Variants in PPP1R21 observed in about 807,000 individuals in gnomAD.
PPP1R21 encodes the protein KLRAQ motif containing 1.
Under a neutral mutation model 112.8 loss-of-function variants are expected in PPP1R21, and 85 were observed. The observed-to-expected ratio is 0.75, with a 90% CI of 0.63 to 0.90. The LOEUF (loss-of-function observed/expected upper bound fraction) is 0.90. Among genes scored for constraint, PPP1R21 ranks in the 40% least tolerant of loss-of-function variants. The pLI is 0.00. For synonymous variants in PPP1R21, 381 were observed against 322.3 expected (o/e 1.18, Z -1.95); for missense variants, 1,199 against 901.5 (o/e 1.33, Z -4.23).
rs757951323 is a variant in PPP1R21, at chr2:48,468,825, A to ATGTGTG, written c.898-2259_898-2258insGTGTGT. ...GTGAGACCCTGTCTCAAGAAAAAAA[A>ATGTGTG]TGTATGTGTGTGTGTGTGTGTGTGT... On this transcript the variant is annotated intron_variant, in intron 9 of 21. Transcript: ENST00000294952. Among the ~76,000 whole-genome samples the ATGTGTG allele has an allele frequency of 1.8e-3, 77 of 43,948 alleles. 1 individual carries two copies. The South Asian group carries it at 0.02, about 11-fold the overall frequency. The allele number at this position is 43,948 out of a possible 152,430, so 28.8% of individuals were successfully genotyped here. A position where few individuals can be genotyped will look rare whatever the true frequency, so the allele number is the denominator to read the frequency against.
intron 15 of PPP1R21, among the ~76,000 whole-genome samples, chr2:48,491,925 G>A (rs1314710142): frequency 6.6e-6 from 1 of 152,106 alleles, no homozygotes; most frequent in Non-Finnish European, 1.5e-5. Flanking sequence ...TGGGGAGCAG[G>A]ACTACTTATA....
rs566732581 is a variant in PPP1R21 at position 48,494,048 on chromosome 2, C to G, written c.1600-1631C>G. Among the ~76,000 whole-genome samples, 15 of 123,392 alleles carry G rather than the reference C, an allele frequency of 1.2e-4. No individual in the cohort carries two copies. In the South Asian group the frequency reaches 4.3e-3, roughly 35 times the overall value. 80.9% of individuals were successfully genotyped at this position (123,392 alleles called of 152,430 possible). A position where few individuals can be genotyped will look rare whatever the true frequency, so the allele number is the denominator to read the frequency against. ...ATCAGCCTGGGCAACATAGGGAGAC[C>G]TCGTCTCTCCAAAAAAAAAAAAAAA... On this transcript the variant is annotated intron_variant, in intron 15 of 21. Coordinates refer to ENST00000294952, the MANE Select transcript of PPP1R21 (RefSeq NM_001135629.3).
chr2:48,443,164 C>T (rs1400356420), intron 1 of PPP1R21, among the ~76,000 whole-genome samples: 1 of 152,132 alleles, frequency 6.6e-6, no homozygotes, highest in African/African-American at 2.4e-5. Context: ...ACATACAAGG[C>T]ACTCATCCTT....
At chr2:48,486,190 C>G (rs776120038) in intron 13 of PPP1R21, among the ~76,000 whole-genome samples, 1 of 151,936 alleles carries the variant, frequency 6.6e-6, no homozygotes, top group Non-Finnish European at 1.5e-5. Flanking sequence ...CTAGCTATAG[C>G]CCAGTAAGGA....
chr2:48,511,570 T>A, intron 21 of PPP1R21, 102 bp downstream of exon 21: 1 of 1,435,342 alleles, frequency 7.0e-7, no homozygotes. Flanking sequence ...AGATTTAAAG[T>A]GTTTGTAAGG....
At chr2:48,469,679 T>C (rs992195962) in intron 9 of PPP1R21, among the ~76,000 whole-genome samples, 1 of 151,200 alleles carries the variant, frequency 6.6e-6, no homozygotes, top group Admixed American at 6.6e-5. Context: ...TATACCCACA[T>C]AGTGAGAATC....
chr2:48,515,216 T>TTCTCTCTCTCTCTCTCTCTC lies in PPP1R21; in HGVS notation c.*484_*503dup, dbSNP rs10530147. On this transcript the variant is annotated 3_prime_UTR_variant, in exon 22 of 22. Transcript: ENST00000294952. ...TTCTTTTTAAAAGATTTGTTCATATTTCTCTCTCTCTCTCTCTCTCTCTCT... is the reference window on the plus strand; with the variant it reads ...TTCTTTTTAAAAGATTTGTTCATATTTCTCTCTCTCTCTCTCTCTCTCTCTCTCTCTCTCTCTCTCTCTCT... 1,917 of 136,850 alleles carry TTCTCTCTCTCTCTCTCTCTC rather than the reference T, an allele frequency of 0.014. 34 individuals are homozygous for TTCTCTCTCTCTCTCTCTCTC. The highest frequency in any genetic ancestry group is 0.017 in the African/African-American group (598 of 35,484). The allele number at this position is 136,850 out of a possible 1,614,324, so 8.5% of individuals were successfully genotyped here. A position where few individuals can be genotyped will look rare whatever the true frequency, so the allele number is the denominator to read the frequency against.
chr2:48,499,932 G>A (rs146362582), intron 17 of PPP1R21, among the ~76,000 whole-genome samples: 1 of 152,274 alleles, frequency 6.6e-6, no homozygotes, highest in African/African-American at 2.4e-5. Flanking sequence ...TCTTTTAGGT[G>A]TATTTTTTTT....
chr2:48,510,044 G>C lies in PPP1R21; in HGVS notation c.2115G>C (p.Leu705Phe). Residue 705 changes from leucine to phenylalanine, a missense_variant, in exon 20 of 22, where the codon TTG becomes TTC. Physicochemically the swap from Leu to Phe is conservative, Grantham distance 22. Transcript: ENST00000294952. ...ECRALSKRLA[L>F]AEKSKEALTE... The stretch of plus-strand genomic sequence containing the variant: ...GAGCACTGTCTAAAAGACTGGCCTT[G>C]GCTGAAAAGTCTAAGGAAGCATTGA... 3 of 1,613,840 alleles carry C rather than the reference G, an allele frequency of 1.9e-6. No individual in the cohort carries two copies. Among genetic ancestry groups the C allele is most frequent in the Non-Finnish European group, 2.5e-6 (3 of 1,179,786 alleles).
chr2:48,441,088 T>G, intron 1 of PPP1R21, 78 bp downstream of exon 1: 1 of 1,015,698 alleles, frequency 9.8e-7, no homozygotes, highest in South Asian at 1.3e-5. Flanking sequence ...TGTCGGGACC[T>G]AGGGGTACTG....
intron 12 of PPP1R21, among the ~76,000 whole-genome samples, chr2:48,477,789 C>T (rs1411518769): frequency 6.6e-6 from 1 of 151,648 alleles, no homozygotes; most frequent in African/African-American, 2.4e-5. Context: ...ATAGGGATTG[C>T]ATTGAACTTG....
Position 48,511,373 on chromosome 2 carries a change from G to A in PPP1R21, c.2218G>A (p.Asp740Asn), listed in dbSNP as rs1670632443. The A allele has an allele frequency of 6.2e-7, 1 of 1,613,970 alleles. No individual in the cohort carries two copies. Among genetic ancestry groups the A allele is most frequent in the South Asian group, 1.1e-5 (1 of 91,056 alleles). The change falls in exon 21 of 22, where the codon GAT becomes AAT. Residue 740 changes from aspartate to asparagine, a missense_variant. Transcript: ENST00000294952. ...ELTTTKRSYE[D>N]QLSMMSDHLC... ...GACAACTACCAAGAGGAGTTACGAGGATCAGTTAAGTATGATGAGTGACCA... is the reference window on the plus strand; with the variant it reads ...GACAACTACCAAGAGGAGTTACGAGAATCAGTTAAGTATGATGAGTGACCA...
chr2:48,476,217 C>A (rs116603410), intron 12 of PPP1R21, among the ~76,000 whole-genome samples: 1,589 of 152,274 alleles, frequency 0.01, 27 homozygotes, highest in African/African-American at 0.037. Context: ...GGTATGTGGT[C>A]TTTTCTGACT....
intron 7 of PPP1R21, among the ~76,000 whole-genome samples, chr2:48,464,408 G>A (rs540802725): frequency 6.7e-4 from 102 of 152,262 alleles, no homozygotes; most frequent in Non-Finnish European, 2.9e-5. Flanking sequence ...TAGGTAGGAG[G>A]AAGCTGCCAG....
Position 48,495,751 on chromosome 2 carries a change from C to G in PPP1R21, c.1672C>G (p.Arg558Gly). 1 of 1,606,062 alleles carries G rather than the reference C, an allele frequency of 6.2e-7. No individual in the cohort carries two copies. Among genetic ancestry groups the G allele is most frequent in the Non-Finnish European group, 8.5e-7 (1 of 1,172,706 alleles). The change falls in exon 16 of 22, where the codon CGA becomes GGA. Residue 558 changes from arginine (R) to glycine (G), a missense_variant. Coordinates refer to ENST00000294952, the MANE Select transcript of PPP1R21 (RefSeq NM_001135629.3). ...CATCCTTCTCAGCTCTACTGAAAGT[C>G]GAGAAGGCCTTGCACAGCAAGTATG... ...RRILLSSTES[R>G]EGLAQQVQQS...
intron 19 of PPP1R21, among the ~76,000 whole-genome samples, chr2:48,508,894 GA>G (rs1275953094): frequency 5.3e-5 from 8 of 152,142 alleles, no homozygotes; most frequent in African/African-American, 1.9e-4. Context: ...TGTGATTCAA[GA>G]ATTTTTAAAT....
intron 17 of PPP1R21, chr2:48,501,819 A>C (rs541524758): frequency 1.4e-4 from 22 of 152,252 alleles, no homozygotes; most frequent in African/African-American, 5.3e-4. Context: ...TAAAAAAAAA[A>C]AACAAATAAA....
chr2:48,476,183 C>T (rs1329635182), intron 12 of PPP1R21, among the ~76,000 whole-genome samples: 2 of 152,178 alleles, frequency 1.3e-5, no homozygotes, highest in Admixed American at 6.5e-5. Flanking sequence ...CAATTCTACC[C>T]ATTTCATTTA....
intron 14 of PPP1R21, among the ~76,000 whole-genome samples, chr2:48,490,116 G>C (rs1170787397): frequency 6.6e-6 from 1 of 151,404 alleles, no homozygotes; most frequent in African/African-American, 2.4e-5. Context: ...CTACTCAGGC[G>C]GCTGAGGCAG....
Sources: gnomAD v4.1 joint callset for allele counts (sites outside exome capture counted in the v4.1 genomes callset) on GRCh38, gnomAD v4.1.1 for gene constraint, MANE v1.5 for transcripts, NCBI Gene and HGNC (gene_info 2026-07-23, HGNC 2026-07-21) for gene names.